The following ARL15 variants were observed in gnomAD, a reference collection of about 807,000 sequenced individuals.
The protein encoded by ARL15 is ADP-ribosylation factor-like protein 15.
ARL15 carries 19 observed loss-of-function variants against 25.2 expected under a neutral mutation model. The ratio of observed to expected loss-of-function variants is 0.75; its 90% CI spans 0.53 to 1.10. ARL15 has a LOEUF of 1.10. ARL15 is among the 50% of genes least tolerant of loss of function. The probability of loss-of-function intolerance (pLI) is 0.00; values close to 1 mark genes in which losing one functional copy is unlikely to be tolerated. For missense variants in ARL15, 220 were observed against 246.0 expected (o/e 0.89, Z 0.71); for synonymous variants, 94 against 86.8 (o/e 1.08, Z -0.46).
intron 4 of ARL15, among the ~76,000 whole-genome samples, chr5:54,084,534 C>T (rs559636928): frequency 1.6e-4 from 25 of 152,154 alleles, no homozygotes; most frequent in Admixed American, 1.0e-3. Flanking sequence ...TTCTCCTCAA[C>T]GCTGCCCCTC....
At chr5:53,930,085 T>C (rs947169973) in intron 4 of ARL15, among the ~76,000 whole-genome samples, 1 of 152,040 alleles carries the variant, frequency 6.6e-6, no homozygotes, top group Non-Finnish European at 1.5e-5. Flanking sequence ...CAAAGATGGA[T>C]TACCAGCAAT....
intron 1 of ARL15, among the ~76,000 whole-genome samples, chr5:54,288,772 C>T (rs561272199): frequency 6.6e-6 from 1 of 152,296 alleles, no homozygotes; most frequent in South Asian, 2.1e-4. Flanking sequence ...TTGGACAAGC[C>T]TCTTTGACTC....
chr5:54,052,901 G>A lies in ARL15; in HGVS notation c.462+60301C>T, dbSNP rs115640661. Among the ~76,000 whole-genome samples the A allele has an allele frequency of 5.5e-3, 842 of 152,078 alleles. 4 individuals are homozygous for A. Among genetic ancestry groups the A allele is most frequent in the Admixed American group, 0.012 (180 of 15,272 alleles). On this transcript the variant is annotated intron_variant, in intron 4 of 4. Transcript: ENST00000504924. ...TCAACAAAAGGCTGATCCTGTCTGC[G>A]GCAAGAAATACCCAAGATGAGTGTG...
chr5:53,973,574 C>CA (rs34108460), intron 4 of ARL15, among the ~76,000 whole-genome samples: 33,796 of 86,884 alleles, frequency 0.39, 5,793 homozygotes, highest in Middle Eastern at 0.53. Flanking sequence ...AACTTCATCT[C>CA]AAAAAAAAAA....
At chr5:53,916,894 T>C (rs185103577) in intron 4 of ARL15, among the ~76,000 whole-genome samples, 216 of 152,338 alleles carry the variant, frequency 1.4e-3, no homozygotes, top group African/African-American at 4.8e-3. Flanking sequence ...ATCAAAGAGA[T>C]GGTTTTACCT....
At chr5:54,232,807 A>G (rs1474275885) in intron 1 of ARL15, among the ~76,000 whole-genome samples, 1 of 152,108 alleles carries the variant, frequency 6.6e-6, no homozygotes, top group Non-Finnish European at 1.5e-5. Context: ...TGTTCGGCTG[A>G]CACTCATGTT....
At chr5:54,238,871 G>C (rs1414154205) in intron 1 of ARL15, among the ~76,000 whole-genome samples, 1 of 152,188 alleles carries the variant, frequency 6.6e-6, no homozygotes, top group African/African-American at 2.4e-5. Context: ...GGCAAAGACC[G>C]AGATGAAATG....
chr5:53,959,589 G>A (rs1022461372), intron 4 of ARL15, among the ~76,000 whole-genome samples: 1 of 152,134 alleles, frequency 6.6e-6, no homozygotes, highest in African/African-American at 2.4e-5. Flanking sequence ...GATAAAAGGG[G>A]TAACGATACT....
chr5:54,144,014 A>C (rs2112318834), intron 3 of ARL15, among the ~76,000 whole-genome samples: 1 of 152,098 alleles, frequency 6.6e-6, no homozygotes, highest in African/African-American at 2.4e-5. Flanking sequence ...GTTTCTCTTT[A>C]CCTGACCCTG....
chr5:54,123,174 AT>A (rs1753141247), intron 3 of ARL15, among the ~76,000 whole-genome samples: 1 of 149,450 alleles, frequency 6.7e-6, no homozygotes, highest in Non-Finnish European at 1.5e-5. Flanking sequence ...CAATGGTGCC[AT>A]CTCGGCTCAC....
At chr5:54,295,699 T>C (rs1218736983) in intron 1 of ARL15, among the ~76,000 whole-genome samples, 1 of 152,172 alleles carries the variant, frequency 6.6e-6, no homozygotes, top group Non-Finnish European at 1.5e-5. Flanking sequence ...CAAAGAGGTT[T>C]TCTACTTTAG....
At chr5:53,968,973 C>T (rs1257440468) in intron 4 of ARL15, among the ~76,000 whole-genome samples, 1 of 151,638 alleles carries the variant, frequency 6.6e-6, no homozygotes, top group African/African-American at 2.4e-5. Context: ...CATGGTGAAA[C>T]CCCGTCTCTA....
intron 4 of ARL15, among the ~76,000 whole-genome samples, chr5:53,994,180 C>T (rs1561180660): frequency 6.6e-6 from 1 of 152,080 alleles, no homozygotes; most frequent in East Asian, 1.9e-4. Flanking sequence ...TAGTATTCCA[C>T]CTGAAGAATA....
At chr5:53,895,165 G>C (rs1744833093) in intron 4 of ARL15, among the ~76,000 whole-genome samples, 1 of 152,150 alleles carries the variant, frequency 6.6e-6, no homozygotes, top group South Asian at 2.1e-4. Flanking sequence ...GAGGCCCAAG[G>C]AGTGCTTGGG....
At chr5:54,184,510 A>C (rs1561257589) in intron 1 of ARL15, among the ~76,000 whole-genome samples, 1 of 148,488 alleles carries the variant, frequency 6.7e-6, no homozygotes, top group Non-Finnish European at 1.5e-5. Flanking sequence ...AGACCTTCAA[A>C]TGGATTTAAA....
At position 53,964,390 on chromosome 5, in the gene ARL15, A is replaced by T. The variant is rs1000954542; in HGVS notation, c.463-77677T>A. Among the ~76,000 whole-genome samples the T allele has an allele frequency of 6.6e-5, 10 of 152,140 alleles. No homozygotes were observed. The South Asian group carries it at 1.7e-3, about 25-fold the overall frequency. On this transcript the variant is annotated intron_variant, in intron 4 of 4. Coordinates refer to ENST00000504924, the MANE Select transcript of ARL15 (RefSeq NM_019087.3). ...TATTTATTTTTTTGAGACGGAGTCT[A>T]GCTCTGTCCCCCATGCTGGAGTGCA...
At chr5:54,124,448 A>G (rs1753183445) in intron 3 of ARL15, among the ~76,000 whole-genome samples, 1 of 152,192 alleles carries the variant, frequency 6.6e-6, no homozygotes, top group African/African-American at 2.4e-5. Context: ...ATGACTGACC[A>G]CAGAAAAAAA....
intron 1 of ARL15, among the ~76,000 whole-genome samples, chr5:54,275,500 C>T (rs1451051340): frequency 3.3e-5 from 5 of 152,140 alleles, no homozygotes; most frequent in Middle Eastern, 6.8e-3. Context: ...TCCACTTTCC[C>T]TTTCCCACAG....
intron 4 of ARL15, among the ~76,000 whole-genome samples, chr5:54,075,855 T>G (rs889930489): frequency 3.3e-5 from 5 of 152,158 alleles, no homozygotes; most frequent in African/African-American, 1.2e-4. Context: ...CCTTAATAAG[T>G]ACCATATTAA....
Sources: gnomAD v4.1 joint callset for allele counts (sites outside exome capture counted in the v4.1 genomes callset) on GRCh38, gnomAD v4.1.1 for gene constraint, MANE v1.5 for transcripts, NCBI Gene and HGNC (gene_info 2026-07-23, HGNC 2026-07-21) for gene names.